Variants in ROBO2 observed in about 807,000 individuals in gnomAD.
ROBO2 encodes roundabout guidance receptor 2.
In ROBO2, 53 loss-of-function variants were observed where a neutral mutation model predicts 160.8. That is an observed-to-expected ratio of 0.33 (90% CI 0.26 to 0.41). The LOEUF is 0.41. ROBO2 is among the 10% of genes least tolerant of loss of function. The pLI is 1.00. For synonymous variants in ROBO2, 664 were observed against 611.7 expected, an observed-to-expected ratio of 1.09 and a Z score of -1.26; for missense variants, 1,577 against 1,722.4, an observed-to-expected ratio of 0.92 and a Z score of 1.49.
At chr3:77,549,828 A>T (rs1203099640) in intron 7 of ROBO2, among the ~76,000 whole-genome samples, 1 of 152,032 alleles carries the variant, frequency 6.6e-6, no homozygotes, top group Non-Finnish European at 1.5e-5. Context: ...ATTGCAACGT[A>T]TTGAAACTGT....
chr3:76,422,713 A>G (rs2076045418), intron 2 of ROBO2, among the ~76,000 whole-genome samples: 1 of 152,152 alleles, frequency 6.6e-6, no homozygotes, highest in Non-Finnish European at 1.5e-5. Context: ...AAAAATGACT[A>G]TTTTTCTCTT....
chr3:77,200,290 TA>T (rs2082744934), intron 2 of ROBO2, among the ~76,000 whole-genome samples: 2 of 63,572 alleles, frequency 3.1e-5, no homozygotes, highest in Non-Finnish European at 3.0e-5. Context: ...TATATATATA[TA>T]TATATATATA....
intron 2 of ROBO2, among the ~76,000 whole-genome samples, chr3:77,378,249 G>A (rs2072957360): frequency 6.6e-6 from 1 of 152,098 alleles, no homozygotes; most frequent in South Asian, 2.1e-4. Context: ...TGAAGGTTCA[G>A]CTAATATTTT....
chr3:77,615,281 A>T (rs1329117030), intron 21 of ROBO2, among the ~76,000 whole-genome samples: 3 of 152,246 alleles, frequency 2.0e-5, no homozygotes, highest in Non-Finnish European at 2.9e-5. Flanking sequence ...TAGCCTCCCC[A>T]ACTATCAAGG....
intron 2 of ROBO2, among the ~76,000 whole-genome samples, chr3:76,589,366 C>G (rs1376944038): frequency 6.6e-6 from 1 of 152,106 alleles, no homozygotes; most frequent in Non-Finnish European, 1.5e-5. Flanking sequence ...GTGGCGCCAT[C>G]TCGGCTCACT....
chr3:76,071,397 TATCTC>T (rs2068448467), intron 2 of ROBO2, among the ~76,000 whole-genome samples: 1 of 152,180 alleles, frequency 6.6e-6, no homozygotes, highest in Non-Finnish European at 1.5e-5. Flanking sequence ...TAAAAGCTAT[TATCTC>T]ATCAGTAACT....
chr3:76,864,695 T>A (rs192067473), intron 2 of ROBO2, among the ~76,000 whole-genome samples: 1 of 152,228 alleles, frequency 6.6e-6, no homozygotes, highest in Admixed American at 6.5e-5. Context: ...GCAATTTGTG[T>A]TTAAATTTGA....
rs368284598 is a variant in ROBO2, at chr3:76,866,976, G to C, written c.110-231038G>C. On this transcript the variant is annotated intron_variant, in intron 2 of 26. Coordinates refer to the ROBO2 transcript ENST00000487694. The stretch of plus-strand genomic sequence containing the variant: ...TCTAGTGACAGAGTGAAGCCACTAA[G>C]TGACTTAGAATATGCAGTGAACCAT... 1.8e-4 allele frequency among the ~76,000 whole-genome samples: 28 copies of C among 152,226 alleles called. No homozygotes were observed. The South Asian group carries it at 4.1e-3, about 23-fold the overall frequency.
At chr3:77,069,013 T>C (rs1454051217) in intron 1 of ROBO2, among the ~76,000 whole-genome samples, 1 of 152,204 alleles carries the variant, frequency 6.6e-6, no homozygotes, top group Non-Finnish European at 1.5e-5. Flanking sequence ...ATGGCCACGC[T>C]CAATTGTTTA....
At chr3:77,139,913 A>G (rs1199028728) in intron 2 of ROBO2, among the ~76,000 whole-genome samples, 4 of 152,204 alleles carry the variant, frequency 2.6e-5, no homozygotes, top group Admixed American at 6.5e-5. Flanking sequence ...TATAGATGAC[A>G]TGCTTGTCAA....
chr3:76,953,128 G>GA (rs1438432400), intron 2 of ROBO2, among the ~76,000 whole-genome samples: 1 of 152,006 alleles, frequency 6.6e-6, no homozygotes, highest in Non-Finnish European at 1.5e-5. Flanking sequence ...CTTCATCTTT[G>GA]AAAAAAAGCC....
chr3:76,259,760 C>T (rs6805901), intron 2 of ROBO2, among the ~76,000 whole-genome samples: 9,732 of 152,114 alleles, frequency 0.064, 810 homozygotes, highest in African/African-American at 0.19. Flanking sequence ...GCAAGGCATC[C>T]CCCTGGGCCC....
At chr3:77,161,834 G>C (rs940505760) in intron 2 of ROBO2, among the ~76,000 whole-genome samples, 1 of 148,736 alleles carries the variant, frequency 6.7e-6, no homozygotes, top group Non-Finnish European at 1.5e-5. Flanking sequence ...TTTTTCTGTT[G>C]TCATGGTTTT....
intron 1 of ROBO2, among the ~76,000 whole-genome samples, chr3:77,083,828 A>T (rs755864308): frequency 5.3e-5 from 8 of 152,154 alleles, no homozygotes; most frequent in Non-Finnish European, 7.4e-5. Context: ...TGAGGGTTTC[A>T]TTCTTAGATA....
intron 2 of ROBO2, among the ~76,000 whole-genome samples, chr3:76,727,130 T>A: frequency 1.0e-5 from 1 of 99,910 alleles, no homozygotes; most frequent in East Asian, 2.2e-4. Flanking sequence ...TCTCAAAGAA[T>A]ATAACATGCA....
At chr3:76,421,363 T>C (rs1193487823) in intron 2 of ROBO2, among the ~76,000 whole-genome samples, 2 of 152,232 alleles carry the variant, frequency 1.3e-5, no homozygotes, top group Non-Finnish European at 1.5e-5. Context: ...AAATCGTTAA[T>C]TATTTTTAAA....
At chr3:76,507,182 T>C (rs1266225900) in intron 2 of ROBO2, among the ~76,000 whole-genome samples, 1 of 152,112 alleles carries the variant, frequency 6.6e-6, no homozygotes, top group Non-Finnish European at 1.5e-5. Context: ...GGTACTTAAA[T>C]ATTTTATATC....
chr3:76,522,166 C>T (rs868684558), intron 2 of ROBO2, among the ~76,000 whole-genome samples: 5 of 152,104 alleles, frequency 3.3e-5, no homozygotes, highest in South Asian at 2.1e-4. Flanking sequence ...ATGGGCCCCT[C>T]CTCACCCTAA....
intron 2 of ROBO2, among the ~76,000 whole-genome samples, chr3:77,184,409 A>G (rs1039692476): frequency 5.9e-5 from 9 of 152,046 alleles, no homozygotes; most frequent in Non-Finnish European, 1.3e-4. Context: ...TAAAGGGAAT[A>G]TTATATGCAA....
Sources: gnomAD v4.1 joint callset for allele counts (sites outside exome capture counted in the v4.1 genomes callset) on GRCh38, gnomAD v4.1.1 for gene constraint, MANE v1.5 for transcripts, NCBI Gene and HGNC (gene_info 2026-07-23, HGNC 2026-07-21) for gene names.